The following ACMSD variants were observed in gnomAD, a reference collection of about 807,000 sequenced individuals.
ACMSD encodes the protein 2-amino-3-carboxymuconate-6-semialdehyde decarboxylase.
In ACMSD, 37 loss-of-function variants were observed where a neutral mutation model predicts 45.9. The ratio of observed to expected loss-of-function variants is 0.81; its 90% CI spans 0.62 to 1.06. ACMSD has a LOEUF of 1.06. ACMSD is among the 50% of genes least tolerant of loss of function. ACMSD has a pLI of 0.00. For synonymous variants in ACMSD, 138 were observed against 148.8 expected (o/e 0.93, Z 0.53); for missense variants, 434 against 420.9 (o/e 1.03, Z -0.27).
chr2:134,859,430 C>G, intron 3 of ACMSD, 73 bp downstream of exon 3: 1 of 1,435,720 alleles, frequency 7.0e-7, no homozygotes, highest in Non-Finnish European at 9.8e-7. Flanking sequence ...TTGCTGACAA[C>G]TTTATGTGAT....
intron 8 of ACMSD, among the ~76,000 whole-genome samples, chr2:134,880,391 T>G (rs1303094401): frequency 6.6e-6 from 1 of 152,208 alleles, no homozygotes; most frequent in Non-Finnish European, 1.5e-5. Flanking sequence ...TTAAATTATG[T>G]GTTAATGATT....
rs557780072 is a variant in ACMSD, at chr2:134,881,921, C to G, written c.849+9280C>G. On this transcript the variant is annotated intron_variant, in intron 8 of 9. Transcript: ENST00000356140. ...TCACTTGAGGTCAGGAGTTTGAGACCAACCTAGCCAACATGGTGAAACCCC... is the reference window on the plus strand; with the variant it reads ...TCACTTGAGGTCAGGAGTTTGAGACGAACCTAGCCAACATGGTGAAACCCC... 4.6e-5 allele frequency among the ~76,000 whole-genome samples: 7 copies of G among 152,222 alleles called. 1 individual carries two copies. The South Asian group carries it at 1.5e-3, about 32-fold the overall frequency.
chr2:134,892,327 G>C (rs1307190837), intron 8 of ACMSD, among the ~76,000 whole-genome samples: 2 of 151,908 alleles, frequency 1.3e-5, no homozygotes, highest in Non-Finnish European at 1.5e-5. Context: ...AACTAAACTA[G>C]TAAAGGGAAA....
chr2:134,858,656 A>C (rs1310406757), intron 2 of ACMSD, among the ~76,000 whole-genome samples: 2 of 152,154 alleles, frequency 1.3e-5, no homozygotes, highest in Non-Finnish European at 2.9e-5. Context: ...GTCATTTAAA[A>C]TGTATAAAAA....
chr2:134,863,329 TC>T (rs1303266784), intron 4 of ACMSD, 65 bp from the exon 5 acceptor site: 8 of 1,456,754 alleles, frequency 5.5e-6, no homozygotes, highest in Non-Finnish European at 7.7e-6. Flanking sequence ...GAGGCACTGT[TC>T]AGAGTGAATG....
chr2:134,889,761 G>A (rs994960394), intron 8 of ACMSD, among the ~76,000 whole-genome samples: 8 of 151,962 alleles, frequency 5.3e-5, no homozygotes, highest in Non-Finnish European at 1.2e-4. Flanking sequence ...GAATGGTGGG[G>A]AAATAGCATA....
At chr2:134,885,251 T>C (rs1382456323) in intron 8 of ACMSD, among the ~76,000 whole-genome samples, 2 of 107,632 alleles carry the variant, frequency 1.9e-5, no homozygotes, top group African/African-American at 3.9e-5. Context: ...TATATATTTA[T>C]ATATAATATA....
Position 134,840,191 on chromosome 2 carries a change from A to C in ACMSD, c.57+1452A>C, listed in dbSNP as rs901192804. The stretch of plus-strand genomic sequence containing the variant: ...GCAAAAAAAAAAAAAAAAAAAAAAA[A>C]AACCACTAATTCCTCTGTTACAGCT... On this transcript the variant is annotated intron_variant, in intron 1 of 9. Coordinates refer to ENST00000356140, the MANE Select transcript of ACMSD (RefSeq NM_138326.3). Among the ~76,000 whole-genome samples, 3 of 125,808 alleles carry C rather than the reference A, an allele frequency of 2.4e-5. 1 individual carries two copies. Among genetic ancestry groups the C allele is most frequent in the African/African-American group, 8.8e-5 (3 of 34,088 alleles). 82.5% of individuals were successfully genotyped at this position (125,808 alleles called of 152,430 possible). A position where few individuals can be genotyped will look rare whatever the true frequency, so the allele number is the denominator to read the frequency against.
At chr2:134,846,627 G>C (rs553754335) in intron 2 of ACMSD, among the ~76,000 whole-genome samples, 1 of 152,160 alleles carries the variant, frequency 6.6e-6, no homozygotes, top group South Asian at 2.1e-4. Context: ...GGCTGACCTC[G>C]AACTCCTGGC....
chr2:134,848,194 G>T (rs910144244), intron 2 of ACMSD, among the ~76,000 whole-genome samples: 1 of 152,218 alleles, frequency 6.6e-6, no homozygotes, highest in African/African-American at 2.4e-5. Flanking sequence ...GGGCATTTGG[G>T]TTGGTTCCAA....
chr2:134,857,411 C>G (rs779382441), intron 2 of ACMSD, among the ~76,000 whole-genome samples: 9 of 152,168 alleles, frequency 5.9e-5, no homozygotes, highest in South Asian at 4.1e-4. Context: ...GCACTCCACT[C>G]CAGTCTGGGC....
chr2:134,856,923 G>A (rs1396038197), intron 2 of ACMSD, among the ~76,000 whole-genome samples: 1 of 150,688 alleles, frequency 6.6e-6, no homozygotes, highest in Non-Finnish European at 1.5e-5. Flanking sequence ...TTCTATTTCT[G>A]TAAAAATGTC....
chr2:134,888,723 T>G (rs150373683), intron 8 of ACMSD, among the ~76,000 whole-genome samples: 2 of 151,118 alleles, frequency 1.3e-5, no homozygotes, highest in Non-Finnish European at 2.9e-5. Context: ...AAAGGCTGAA[T>G]GAATGAAGCT....
chr2:134,847,395 TACAGATAGATAGATAGATAG>T lies in ACMSD; in HGVS notation c.102+2120_102+2139del, dbSNP rs1391043294. On this transcript the variant is annotated intron_variant, in intron 2 of 9. Transcript: ENST00000356140. ...GAACCACTAAAGAGTTTTTTGGGGATACAGATAGATAGATAGATAGATAGATAGATAGATAGATAGATAGA... is the reference window on the plus strand; with the variant it reads ...GAACCACTAAAGAGTTTTTTGGGGATATAGATAGATAGATAGATAGATAGA... 5.0e-4 allele frequency among the ~76,000 whole-genome samples: 71 copies of T among 143,238 alleles called. 1 individual carries two copies. The highest frequency in any genetic ancestry group is 3.4e-3 in the Middle Eastern group (1 of 292). The allele number at this position is 143,238 out of a possible 152,430, so 94.0% of individuals were successfully genotyped here.
In ACMSD at chr2:134,880,190, T is replaced by C. The variant is rs1016821197; in HGVS notation, c.849+7549T>C. 2.6e-5 allele frequency among the ~76,000 whole-genome samples: 4 copies of C among 152,200 alleles called. No individual in the cohort carries two copies. In the East Asian group the frequency reaches 7.7e-4, roughly 29 times the overall value. On this transcript the variant is annotated intron_variant, in intron 8 of 9. Transcript: ENST00000356140. ...TGTGTTCCAGCTTTTAGAGGTGCTG[T>C]TGGGTAATGCAATGACATCCTAATT...
At chr2:134,859,753 T>C (rs562234890) in intron 3 of ACMSD, 3 of 157,378 alleles carry the variant, frequency 1.9e-5, no homozygotes, top group African/African-American at 7.2e-5. Flanking sequence ...CTTTCTGTAG[T>C]TTGTCTCGGT....
intron 8 of ACMSD, chr2:134,877,768 G>A (rs1688827212): frequency 6.6e-6 from 1 of 152,072 alleles, no homozygotes; most frequent in Admixed American, 6.6e-5. Flanking sequence ...TCCTTTTTAT[G>A]ACCTAGAGTC....
chr2:134,886,240 A>ATT (rs1278225397), intron 8 of ACMSD, among the ~76,000 whole-genome samples: 2 of 125,478 alleles, frequency 1.6e-5, no homozygotes, highest in East Asian at 5.0e-4. Context: ...ATTCATTATT[A>ATT]TTATTATTTT....
In ACMSD at chr2:134,871,510, TG is replaced by T. The variant is rs1232644166; in HGVS notation, c.676+451del. Among the ~76,000 whole-genome samples, 4 of 103,268 alleles carry T rather than the reference TG, an allele frequency of 3.9e-5. No homozygotes were observed. In the East Asian group the frequency reaches 1.3e-3, roughly 33 times the overall value. 67.7% of individuals were successfully genotyped at this position (103,268 alleles called of 152,430 possible). A position where few individuals can be genotyped will look rare whatever the true frequency, so the allele number is the denominator to read the frequency against. On this transcript the variant is annotated intron_variant, in intron 7 of 9. Coordinates refer to ENST00000356140, the MANE Select transcript of ACMSD (RefSeq NM_138326.3). ...TTGTAGGCAAGTTTAGTTTTGTCAT[TG>T]TTTTTTTTTTTTCTGTTTTTTTTAT...
Sources: gnomAD v4.1 joint callset for allele counts (sites outside exome capture counted in the v4.1 genomes callset) on GRCh38, gnomAD v4.1.1 for gene constraint, MANE v1.5 for transcripts, NCBI Gene and HGNC (gene_info 2026-07-23, HGNC 2026-07-21) for gene names.